Variants in DEPDC4 observed in about 807,000 individuals in gnomAD.
DEPDC4 encodes the protein DEP domain containing 4, also known as DEP domain-containing protein 4.
Under a neutral mutation model 52.0 loss-of-function variants are expected in DEPDC4, and 52 were observed. That is an observed-to-expected ratio of 1.00 (90% CI 0.80 to 1.26). DEPDC4 has a LOEUF of 1.26. DEPDC4 is among the 50% of genes most tolerant of loss of function. The probability of loss-of-function intolerance (pLI) is 0.00; values close to 1 mark genes in which losing one functional copy is unlikely to be tolerated. For missense variants in DEPDC4, 530 were observed against 546.9 expected, an observed-to-expected ratio of 0.97 and a Z score of 0.31; for synonymous variants, 201 against 196.8, an observed-to-expected ratio of 1.02 and a Z score of -0.18.
chr12:100,281,871 T>C, the DEPDC4 span, among the ~76,000 whole-genome samples: 2 of 151,962 alleles, frequency 1.3e-5, no homozygotes, highest in African/African-American at 4.8e-5. Flanking sequence ...ATTTATTGCT[T>C]AGTAAAGTGT....
chr12:100,236,510 A>G (rs1270540862), downstream of DEPDC4, among the ~76,000 whole-genome samples: 1 of 151,970 alleles, frequency 6.6e-6, no homozygotes, highest in Non-Finnish European at 1.5e-5. Context: ...TTTTCTATTC[A>G]TGTCCTTAGC....
intron 3 of DEPDC4, chr12:100,261,678 C>G (rs2096254102): frequency 2.2e-6 from 1 of 456,300 alleles, no homozygotes; most frequent in African/African-American, 2.0e-5. Flanking sequence ...TTAATCTGGT[C>G]ACAGTCATTG....
upstream of DEPDC4, among the ~76,000 whole-genome samples, chr12:100,270,091 A>G (rs1317067420): frequency 6.6e-6 from 1 of 150,704 alleles, no homozygotes. Flanking sequence ...GGTTCACGCC[A>G]TTCTCCTGCC....
intron 8 of DEPDC4, among the ~76,000 whole-genome samples, chr12:100,243,939 G>A (rs1385777448): frequency 1.3e-5 from 2 of 151,144 alleles, no homozygotes; most frequent in African/African-American, 4.9e-5. Context: ...TTGGCTTCAT[G>A]GCATGACTTC....
chr12:100,273,703 G>T, the DEPDC4 span, among the ~76,000 whole-genome samples: 49 of 152,224 alleles, frequency 3.2e-4, no homozygotes, highest in East Asian at 1.9e-4. Flanking sequence ...ATCTTGGCAC[G>T]TGGTATTATA....
rs1410468616 is a variant in DEPDC4, at chr12:100,262,409, T to C, written c.555A>G (p.Arg185=). 6.3e-7 allele frequency: 1 copy of C among 1,596,120 alleles called. No homozygotes were observed. The highest frequency in any genetic ancestry group is 2.3e-5 in the East Asian group (1 of 44,248). Reference sequence around the variant, plus strand: ...GATTTGAAATCATTTCATATCCTGGTCTGTTAAAAAATAATACGTGGCTCT... The same window carrying C: ...GATTTGAAATCATTTCATATCCTGGCCTGTTAAAAAATAATACGTGGCTCT... ...DAENEFNETL[R]PGYEMISNPL... The change falls in exon 3 of 10, where the codon AGA becomes AGG. Residue 185 remains arginine (R), a splice_region_variant and synonymous_variant. Coordinates refer to ENST00000550587, the MANE Select transcript of DEPDC4 (RefSeq NM_001364818.2).
At chr12:100,274,413 T>C in the DEPDC4 span, among the ~76,000 whole-genome samples, 1 of 152,194 alleles carries the variant, frequency 6.6e-6, no homozygotes, top group African/African-American at 2.4e-5. Flanking sequence ...GTTTATCAAT[T>C]GAAATAAATG....
At chr12:100,265,370 T>TGGAG (rs2096267989) in intron 1 of DEPDC4, among the ~76,000 whole-genome samples, 2 of 151,876 alleles carry the variant, frequency 1.3e-5, no homozygotes. Context: ...CTGAGGCAGG[T>TGGAG]GGAGGTCAGG....
intron 7 of DEPDC4, among the ~76,000 whole-genome samples, chr12:100,251,021 G>A (rs1566314662): frequency 1.3e-5 from 2 of 151,926 alleles, no homozygotes; most frequent in Non-Finnish European, 2.9e-5. Flanking sequence ...CCTTTTTCTT[G>A]TAAATAATGG....
At chr12:100,254,094 A>G (rs1387133935) in intron 4 of DEPDC4, among the ~76,000 whole-genome samples, 2 of 152,036 alleles carry the variant, frequency 1.3e-5, no homozygotes, top group Non-Finnish European at 2.9e-5. Flanking sequence ...TCCCCAACCC[A>G]GATGAACTGT....
upstream of DEPDC4, chr12:100,267,272 A>G (rs1592917212): frequency 1.7e-6 from 1 of 576,822 alleles, no homozygotes; most frequent in Non-Finnish European, 3.0e-6. Context: ...GGGGCGGCGG[A>G]GGATATGGAG....
In DEPDC4 at chr12:100,262,310, A is replaced by T; in HGVS notation, c.654T>A (p.Cys218Ter). The change falls in exon 3 of 10, where the codon TGT becomes TGA. Residue 218 changes from cysteine to a stop codon, truncating the protein, a stop_gained. Coordinates refer to ENST00000550587, the MANE Select transcript of DEPDC4 (RefSeq NM_001364818.2). LOFTEE classifies it high-confidence loss of function. ...AAGGTTTCTGAACTGTGATATTTGGACATAAAGCTGGATTCCCATTTATTG... is the reference window on the plus strand; with the variant it reads ...AAGGTTTCTGAACTGTGATATTTGGTCATAAAGCTGGATTCCCATTTATTG... ...IHTINGNPAL[C>*]PNITVQKPFL... 6.2e-7 allele frequency: 1 copy of T among 1,613,504 alleles called. No homozygotes were observed. Among genetic ancestry groups the T allele is most frequent in the Non-Finnish European group, 8.5e-7 (1 of 1,179,856 alleles).
the DEPDC4 span, among the ~76,000 whole-genome samples, chr12:100,280,704 G>A: frequency 6.6e-6 from 1 of 152,222 alleles, no homozygotes; most frequent in East Asian, 1.9e-4. Context: ...CAGTGATATG[G>A]TGCTTAAAGG....
At chr12:100,250,392 G>A (rs1173594756) in intron 7 of DEPDC4, among the ~76,000 whole-genome samples, 1 of 151,884 alleles carries the variant, frequency 6.6e-6, no homozygotes, top group East Asian at 1.9e-4. Flanking sequence ...ATTTTTTTTT[G>A]TATTTTTAGT....
intron 2 of DEPDC4, 93 bp from the exon 3 acceptor site, chr12:100,262,502 A>T (rs2096257146): frequency 9.5e-7 from 1 of 1,054,062 alleles, no homozygotes; most frequent in South Asian, 2.2e-5. Flanking sequence ...TTATTCATAC[A>T]TTCTCTATTT....
intron 2 of DEPDC4, 77 bp downstream of exon 2, chr12:100,263,420 A>G: frequency 2.4e-6 from 3 of 1,234,502 alleles, no homozygotes; most frequent in Non-Finnish European, 3.3e-6. Flanking sequence ...AAAAGTACAC[A>G]TTCGAGTTTA....
At chr12:100,259,967 T>C (rs2096248021) in intron 3 of DEPDC4, among the ~76,000 whole-genome samples, 1 of 151,690 alleles carries the variant, frequency 6.6e-6, no homozygotes, top group Admixed American at 6.6e-5. Context: ...TTTAATGTGA[T>C]CCTTCTGATT....
intron 1 of DEPDC4, among the ~76,000 whole-genome samples, chr12:100,265,311 G>A (rs1158526826): frequency 7.0e-6 from 1 of 143,700 alleles, no homozygotes; most frequent in Non-Finnish European, 1.5e-5. Context: ...AACAAAAACA[G>A]TTGGCCAGGC....
chr12:100,270,541 A>T (rs2096286481), upstream of DEPDC4, among the ~76,000 whole-genome samples: 1 of 152,056 alleles, frequency 6.6e-6, no homozygotes, highest in Admixed American at 6.5e-5. Flanking sequence ...ACTTGGATGT[A>T]ATCTTTCCTC....
Sources: gnomAD v4.1 joint callset for allele counts (sites outside exome capture counted in the v4.1 genomes callset) on GRCh38, gnomAD v4.1.1 for gene constraint, MANE v1.5 for transcripts, NCBI Gene and HGNC (gene_info 2026-07-23, HGNC 2026-07-21) for gene names.